Variants in MPZL1 observed in about 807,000 individuals in gnomAD.
MPZL1 encodes the protein myelin protein zero-like protein 1.
MPZL1 carries 16 observed loss-of-function variants against 29.3 expected under a neutral mutation model. The observed-to-expected ratio is 0.55, with a 90% confidence interval of 0.37 to 0.83. The LOEUF is 0.83. Among genes scored for constraint, MPZL1 ranks in the 40% least tolerant of loss-of-function variants. The probability of loss-of-function intolerance (pLI) is 0.00; values close to 1 mark genes in which losing one functional copy is unlikely to be tolerated. For synonymous variants in MPZL1, 143 were observed against 132.0 expected (o/e 1.08, Z -0.57); for missense variants, 279 against 332.9 (o/e 0.84, Z 1.26).
chr1:167,756,073 T>C (rs768460157), intron 1 of MPZL1, among the ~76,000 whole-genome samples: 22 of 152,174 alleles, frequency 1.4e-4, no homozygotes, highest in Non-Finnish European at 2.8e-4. Flanking sequence ...AGGATAGATA[T>C]GTGGCCAGCT....
intron 1 of MPZL1, among the ~76,000 whole-genome samples, chr1:167,726,247 G>A (rs530032952): frequency 6.6e-6 from 1 of 152,284 alleles, no homozygotes; most frequent in African/African-American, 2.4e-5. Context: ...CCATCACAGA[G>A]GCTCTAAGTT....
At chr1:167,777,542 A>T (rs1661397477) in intron 5 of MPZL1, among the ~76,000 whole-genome samples, 1 of 151,516 alleles carries the variant, frequency 6.6e-6, no homozygotes, top group African/African-American at 2.4e-5. Context: ...GGAGGCTAAG[A>T]TTTATGAGGC....
intron 1 of MPZL1, among the ~76,000 whole-genome samples, chr1:167,736,748 G>A (rs1370299523): frequency 6.6e-6 from 1 of 152,138 alleles, no homozygotes; most frequent in Non-Finnish European, 1.5e-5. Flanking sequence ...AGAGGCTTGA[G>A]ACTCCTAGAT....
chr1:167,722,080 G>A lies in MPZL1; in HGVS notation c.-72G>A, dbSNP rs1660039626. ...GAGAGATCAGAAGCCTCTTCCCCAA[G>A]CCGAGCCAACCTCAGCGGGGACCCG... On this transcript the variant is annotated 5_prime_UTR_variant, in exon 1 of 6. Coordinates refer to ENST00000359523, the MANE Select transcript of MPZL1 (RefSeq NM_003953.6). The A allele has an allele frequency of 8.1e-7, 1 of 1,230,686 alleles. No individual in the cohort carries two copies. The highest frequency in any genetic ancestry group is 3.2e-5 in the East Asian group (1 of 31,626). The allele number at this position is 1,230,686 out of a possible 1,614,324, so 76.2% of individuals were successfully genotyped here.
rs141483537 is a variant in MPZL1, at chr1:167,726,928, G to A, written c.91+4686G>A. Among the ~76,000 whole-genome samples the A allele has an allele frequency of 3.9e-4, 59 of 152,286 alleles. No individual in the cohort carries two copies. The East Asian group carries it at 7.7e-3, about 20-fold the overall frequency. ...TGCAGCAGGGAGCCTAGATGCTAGT[G>A]AGAAGTGACAGACAGGAAACATCTA... On this transcript the variant is annotated intron_variant, in intron 1 of 5. Transcript: ENST00000359523.
chr1:167,732,869 A>G (rs537140772), intron 1 of MPZL1, among the ~76,000 whole-genome samples: 12 of 152,268 alleles, frequency 7.9e-5, no homozygotes, highest in Non-Finnish European at 1.5e-4. Context: ...TGGCCTCCCA[A>G]AGTCATTTTA....
chr1:167,750,670 A>G (rs888446904), intron 1 of MPZL1, among the ~76,000 whole-genome samples: 1 of 152,226 alleles, frequency 6.6e-6, no homozygotes, highest in African/African-American at 2.4e-5. Flanking sequence ...GACTAAGGAC[A>G]TCATGTTATA....
intron 1 of MPZL1, among the ~76,000 whole-genome samples, chr1:167,744,744 A>G (rs1236546485): frequency 6.6e-6 from 1 of 151,488 alleles, no homozygotes; most frequent in Non-Finnish European, 1.5e-5. Context: ...TTCCAAGTTC[A>G]CATATAGACC....
intron 1 of MPZL1, among the ~76,000 whole-genome samples, chr1:167,745,468 A>T (rs887058526): frequency 3.3e-5 from 5 of 151,994 alleles, no homozygotes; most frequent in Non-Finnish European, 2.9e-5. Context: ...AAACACGGAA[A>T]ATACTTAACA....
At chr1:167,783,935 G>T (rs1037816567) in intron 5 of MPZL1, among the ~76,000 whole-genome samples, 1 of 152,166 alleles carries the variant, frequency 6.6e-6, no homozygotes, top group Admixed American at 6.5e-5. Context: ...AGTGATTCGT[G>T]CTAGGCTTTT....
At chr1:167,753,595 A>G (rs1037763778) in intron 1 of MPZL1, among the ~76,000 whole-genome samples, 4 of 151,440 alleles carry the variant, frequency 2.6e-5, no homozygotes, top group African/African-American at 9.7e-5. Flanking sequence ...CAGCTGCAGC[A>G]GACTGGTTTT....
intron 1 of MPZL1, among the ~76,000 whole-genome samples, chr1:167,760,446 G>A (rs113770496): frequency 2.0e-5 from 3 of 152,038 alleles, no homozygotes; most frequent in East Asian, 1.9e-4. Context: ...TCGGTGTTCC[G>A]CCCACTTTGG....
rs115632207 is a variant in MPZL1 at position 167,745,679 on chromosome 1, G to C, written c.92-19904G>C. On this transcript the variant is annotated intron_variant, in intron 1 of 5. Transcript: ENST00000359523. Reference sequence around the variant, plus strand: ...CTCTTATTTTCAAACTTAATAAATAGGACTCATTTTACTATGCATATCCTG... The same window carrying C: ...CTCTTATTTTCAAACTTAATAAATACGACTCATTTTACTATGCATATCCTG... 8.1e-3 allele frequency among the ~76,000 whole-genome samples: 1,225 copies of C among 151,892 alleles called. 23 individuals carry two copies. The highest frequency in any genetic ancestry group is 0.028 in the African/African-American group (1,155 of 41,452).
chr1:167,765,007 G>GT, intron 1 of MPZL1: 1 of 152,324 alleles, frequency 6.6e-6, no homozygotes, highest in South Asian at 2.1e-4. Flanking sequence ...GAATAAATTG[G>GT]TGTAGCACAG....
At chr1:167,749,973 C>G (rs1221845412) in intron 1 of MPZL1, among the ~76,000 whole-genome samples, 2 of 152,154 alleles carry the variant, frequency 1.3e-5, no homozygotes, top group Non-Finnish European at 2.9e-5. Context: ...AGCAAATAGT[C>G]CGACATACCT....
chr1:167,788,082 A>G lies in MPZL1; in HGVS notation c.*161A>G. 1.8e-6 allele frequency: 1 copy of G among 568,148 alleles called. No individual in the cohort carries two copies. Among genetic ancestry groups the G allele is most frequent in the Non-Finnish European group, 3.2e-6 (1 of 310,080 alleles). The allele number at this position is 568,148 out of a possible 1,614,324, so 35.2% of individuals were successfully genotyped here. A position where few individuals can be genotyped will look rare whatever the true frequency, so the allele number is the denominator to read the frequency against. On this transcript the variant is annotated 3_prime_UTR_variant, in exon 6 of 6. Transcript: ENST00000359523. ...AAGATGTGTACAAAGGATATGTATA[A>G]ATATTCTATTTAGTCATCCTGATAT...
At position 167,784,625 on chromosome 1, in the gene MPZL1, CA is replaced by C. The variant is rs574759880; in HGVS notation, c.709-3192del. 1.6e-4 allele frequency among the ~76,000 whole-genome samples: 24 copies of C among 152,314 alleles called. No individual in the cohort carries two copies. The South Asian group carries it at 4.6e-3, about 29-fold the overall frequency. On this transcript the variant is annotated intron_variant, in intron 5 of 5. Coordinates refer to ENST00000359523, the MANE Select transcript of MPZL1 (RefSeq NM_003953.6). The stretch of plus-strand genomic sequence containing the variant: ...TCCACCTCTAAATAGCACTCAGAAT[CA>C]AACTTCATAGAGGTGTTCTAGATTG...
intron 1 of MPZL1, among the ~76,000 whole-genome samples, chr1:167,725,012 T>G (rs964933216): frequency 6.6e-6 from 1 of 152,196 alleles, no homozygotes; most frequent in Non-Finnish European, 1.5e-5. Context: ...ATTCACTGAA[T>G]TTGGTAATTG....
intron 1 of MPZL1, among the ~76,000 whole-genome samples, chr1:167,722,835 C>T (rs1571125913): frequency 6.6e-6 from 1 of 152,182 alleles, no homozygotes; most frequent in Non-Finnish European, 1.5e-5. Flanking sequence ...AATATTGTTA[C>T]TTCTAGGTTA....
Sources: gnomAD v4.1 joint callset for allele counts (sites outside exome capture counted in the v4.1 genomes callset) on GRCh38, gnomAD v4.1.1 for gene constraint, MANE v1.5 for transcripts, NCBI Gene and HGNC (gene_info 2026-07-23, HGNC 2026-07-21) for gene names.